OR51A7: variants seen among roughly 807,000 people sequenced by gnomAD.
OR51A7 encodes the protein olfactory receptor family 51 subfamily A member 7, also known as olfactory receptor 51A7.
For missense variants in OR51A7, 409 were observed against 374.5 expected, an observed-to-expected ratio of 1.09 and a Z score of -0.76; for synonymous variants, 143 against 135.5, an observed-to-expected ratio of 1.05 and a Z score of -0.38.
chr11:4,907,095 T>TA (rs3065178), intron 1 of OR51A7, among the ~76,000 whole-genome samples: 12,019 of 55,112 alleles, frequency 0.22, 1,738 homozygotes, highest in Middle Eastern at 0.54. Context: ...AAACTCCCTC[T>TA]AAAAAAAAAA....
In OR51A7 at chr11:4,909,204, G is replaced by C. The variant is rs891094699; in HGVS notation, c.*896G>C. 1 of 151,794 alleles carries C rather than the reference G, an allele frequency of 6.6e-6. No individual in the cohort carries two copies. Among genetic ancestry groups the C allele is most frequent in the Admixed American group, 6.6e-5 (1 of 15,224 alleles). The allele number at this position is 151,794 out of a possible 1,614,324, so 9.4% of individuals were successfully genotyped here. On this transcript the variant is annotated 3_prime_UTR_variant, in exon 2 of 2. Coordinates refer to ENST00000641490, the MANE Select transcript of OR51A7 (RefSeq NM_001004749.2). ...TGATTCCTGCAGGACACGACATTTGGTACCACAATAATTTTCACTAAAATT... is the reference window on the plus strand; with the variant it reads ...TGATTCCTGCAGGACACGACATTTGCTACCACAATAATTTTCACTAAAATT...
Position 4,908,403 on chromosome 11 carries a change from G to A in OR51A7, c.*95G>A. 1 of 1,042,026 alleles carries A rather than the reference G, an allele frequency of 9.6e-7. No homozygotes were observed. Among genetic ancestry groups the A allele is most frequent in the Non-Finnish European group, 1.5e-6 (1 of 678,524 alleles). The allele number at this position is 1,042,026 out of a possible 1,614,324, so 64.5% of individuals were successfully genotyped here. ...CCATAGAAGTCACTAATGAAGGACT[G>A]GATGATGGAAGTGAAAAGCTATGTA... On this transcript the variant is annotated 3_prime_UTR_variant, in exon 2 of 2. Transcript: ENST00000641490.
Position 4,907,619 on chromosome 11 carries a change from GTCT to G in OR51A7, c.255_257del (p.Phe85del). On this transcript the variant is annotated inframe_deletion, in exon 2 of 2. Transcript: ENST00000641490. The stretch of plus-strand genomic sequence containing the variant: ...CTCCTCCCTTCCTACCATGTTGAGG[GTCT>G]TCTTGTTCAATGCCATGGGAATTTC... The G allele has an allele frequency of 6.2e-7, 1 of 1,614,008 alleles. No homozygotes were observed. Among genetic ancestry groups the G allele is most frequent in the Non-Finnish European group, 8.5e-7 (1 of 1,179,954 alleles).
chr11:4,904,527 G>T (rs1426650252), intron 1 of OR51A7, among the ~76,000 whole-genome samples: 1 of 151,850 alleles, frequency 6.6e-6, no homozygotes, highest in Admixed American at 6.6e-5. Context: ...GCTCCTCAGG[G>T]TTCTATGAGT....
At chr11:4,905,450 A>G (rs1427864464) in intron 1 of OR51A7, among the ~76,000 whole-genome samples, 2 of 152,172 alleles carry the variant, frequency 1.3e-5, no homozygotes, top group East Asian at 3.8e-4. Context: ...AAATCACAAA[A>G]TACAGTATGA....
In OR51A7 at chr11:4,907,654, T is replaced by A; in HGVS notation, c.285T>A (p.Asn95Lys). The change falls in exon 2 of 2, where the codon AAT becomes AAA. Residue 95 changes from asparagine (N) to lysine (K), a missense_variant. Coordinates refer to ENST00000641490, the MANE Select transcript of OR51A7 (RefSeq NM_001004749.2). ...FLFNAMGISP[N>K]ACFAQEFFIH... ...TCAATGCCATGGGAATTTCACCTAA[T>A]GCCTGCTTTGCTCAAGAATTCTTCA... The A allele has an allele frequency of 1.2e-6, 2 of 1,614,138 alleles. No individual in the cohort carries two copies. The highest frequency in any genetic ancestry group is 1.7e-6 in the Non-Finnish European group (2 of 1,179,992).
At position 4,909,318 on chromosome 11, in the gene OR51A7, G is replaced by A. The variant is rs969931557; in HGVS notation, c.*1010G>A. On this transcript the variant is annotated 3_prime_UTR_variant, in exon 2 of 2. Transcript: ENST00000641490. ...ACAGTTGAAAATACAATTTGAAGGGGGGCAAACAAGATTGATATGGCAATC... is the reference window on the plus strand; with the variant it reads ...ACAGTTGAAAATACAATTTGAAGGGAGGCAAACAAGATTGATATGGCAATC... 2 of 152,034 alleles carry A rather than the reference G, an allele frequency of 1.3e-5. No individual in the cohort carries two copies. The highest frequency in any genetic ancestry group is 4.8e-5 in the African/African-American group (2 of 41,404). 9.4% of individuals were successfully genotyped at this position (152,034 alleles called of 1,614,324 possible).
chr11:4,907,500 C>G lies in OR51A7; in HGVS notation c.131C>G (p.Thr44Ser), dbSNP rs1403524220. The change falls in exon 2 of 2, where the codon ACC becomes AGC. Residue 44 changes from threonine (T) to serine (S), a missense_variant. By Grantham distance (58) the Thr-to-Ser change is moderately conservative. Transcript: ENST00000641490. ...CTGCTTGCCATCATGGGCAACTGCA[C>G]CATTCTCTTTATTATAAAGACAGAG... The part of the protein sequence containing the change: ...MYLLAIMGNC[T>S]ILFIIKTEPS... The G allele has an allele frequency of 6.2e-7, 1 of 1,613,998 alleles. No homozygotes were observed. Among genetic ancestry groups the G allele is most frequent in the East Asian group, 2.2e-5 (1 of 44,866 alleles).
Position 4,907,770 on chromosome 11 carries a change from C to A in OR51A7, c.401C>A (p.Ser134Tyr). The stretch of plus-strand genomic sequence containing the variant: ...ATTCACAATCCCTTAAGATACAGTT[C>A]TATCCTCACTAGCAACAGGGTTGCT... ...LAIHNPLRYS[S>Y]ILTSNRVAKM... Residue 134 changes from serine to tyrosine, a missense_variant, in exon 2 of 2, where the codon TCT (serine) becomes TAT (tyrosine). Transcript: ENST00000641490. The A allele has an allele frequency of 6.2e-7, 1 of 1,614,080 alleles. No homozygotes were observed. The highest frequency in any genetic ancestry group is 8.5e-7 in the Non-Finnish European group (1 of 1,180,016).
Position 4,907,511 on chromosome 11 carries a change from A to G in OR51A7, c.142A>G (p.Ile48Val), listed in dbSNP as rs750073858. Residue 48 changes from isoleucine (I) to valine (V), a missense_variant, in exon 2 of 2, where the codon ATT becomes GTT. Transcript: ENST00000641490. Reference sequence around the variant, plus strand: ...CATGGGCAACTGCACCATTCTCTTTATTATAAAGACAGAGCCCTCGCTTCA... The same window carrying G: ...CATGGGCAACTGCACCATTCTCTTTGTTATAAAGACAGAGCCCTCGCTTCA... ...AIMGNCTILF[I>V]IKTEPSLHEP... is the part of the protein sequence containing the mutation. The G allele has an allele frequency of 1.2e-6, 2 of 1,613,874 alleles. No homozygotes were observed. The highest frequency in any genetic ancestry group is 2.2e-5 in the East Asian group (1 of 44,858).
Position 4,908,620 on chromosome 11 carries a change from C to T in OR51A7, c.*312C>T. 2.5e-6 allele frequency: 1 copy of T among 397,890 alleles called. No homozygotes were observed. Among genetic ancestry groups the T allele is most frequent in the Non-Finnish European group, 4.7e-6 (1 of 214,044 alleles). 24.6% of individuals were successfully genotyped at this position (397,890 alleles called of 1,614,324 possible). ...ATTTGGGCAGATTGAGATTACCATT[C>T]AGTTAGTATCTATTAAAAATACAGA... On this transcript the variant is annotated 3_prime_UTR_variant, in exon 2 of 2. Transcript: ENST00000641490.
Position 4,908,252 on chromosome 11 carries a change from A to G in OR51A7, c.883A>G (p.Thr295Ala). 1 of 1,614,060 alleles carries G rather than the reference A, an allele frequency of 6.2e-7. No individual in the cohort carries two copies. The highest frequency in any genetic ancestry group is 8.5e-7 in the Non-Finnish European group (1 of 1,180,008). Reference protein sequence around the residue: ...LMNPIVYCVKTRQIWEKILGK... With the variant: ...LMNPIVYCVKARQIWEKILGK... ...GAACCCCATTGTGTACTGTGTAAAGACTCGACAAATCTGGGAGAAGATCTT... is the reference window on the plus strand; with the variant it reads ...GAACCCCATTGTGTACTGTGTAAAGGCTCGACAAATCTGGGAGAAGATCTT... Residue 295 changes from threonine (T) to alanine (A), a missense_variant, in exon 2 of 2, where the codon ACT (threonine) becomes GCT (alanine). By Grantham distance (58) the Thr-to-Ala change is moderately conservative. Transcript: ENST00000641490.
Position 4,908,099 on chromosome 11 carries a change from A to G in OR51A7, c.730A>G (p.Ile244Val), listed in dbSNP as rs1263338567. 1.2e-6 allele frequency: 2 copies of G among 1,614,084 alleles called. No homozygotes were observed. Among genetic ancestry groups the G allele is most frequent in the Non-Finnish European group, 1.7e-6 (2 of 1,180,036 alleles). Residue 244 changes from isoleucine (I) to valine (V), a missense_variant, in exon 2 of 2, where the codon ATC becomes GTC. Physicochemically the swap from Ile to Val is conservative, Grantham distance 29. Transcript: ENST00000641490. ...LKALNTCVSH[I>V]CAVLTFYVPI... ...GGCCCTAAATACCTGTGTCTCCCAC[A>G]TCTGTGCTGTGCTCACCTTCTATGT...
Position 4,907,391 on chromosome 11 carries a change from G to A in OR51A7, c.22G>A (p.Glu8Lys), listed in dbSNP as rs11034596. 0.099 allele frequency: 159,599 copies of A among 1,612,132 alleles called. 13,754 individuals carry two copies. Among genetic ancestry groups the A allele is most frequent in the East Asian group, 0.56 (25,204 of 44,724 alleles). The change falls in exon 2 of 2, where the codon GAA becomes AAA. Residue 8 changes from glutamate (E) to lysine (K), a missense_variant. Physicochemically the swap from Glu to Lys is moderately conservative, Grantham distance 56 (BLOSUM62 1). Coordinates refer to ENST00000641490, the MANE Select transcript of OR51A7 (RefSeq NM_001004749.2). Reference protein sequence around the residue: MSVLNNSEVKLFLLIGIP... With the variant: MSVLNNSKVKLFLLIGIP... ...CATTATGTCTGTTCTCAATAACTCC[G>A]AAGTCAAGCTTTTCCTTCTGATTGG...
chr11:4,907,943 A>T lies in OR51A7; in HGVS notation c.574A>T (p.Asn192Tyr). ...QDTMKLACSD[N>Y]KTNVIYGFFI... ...TACCATGAAGCTGGCCTGCTCTGAC[A>T]ACAAGACCAATGTCATCTATGGCTT... The change falls in exon 2 of 2, where the codon AAC becomes TAC. Residue 192 changes from asparagine to tyrosine, a missense_variant. Coordinates refer to ENST00000641490, the MANE Select transcript of OR51A7 (RefSeq NM_001004749.2). 1.2e-6 allele frequency: 2 copies of T among 1,614,158 alleles called. No homozygotes were observed. Among genetic ancestry groups the T allele is most frequent in the South Asian group, 2.2e-5 (2 of 91,084 alleles).
chr11:4,907,208 G>A (rs1222365379), intron 1 of OR51A7, 131 bp from the exon 2 acceptor site: 4 of 543,990 alleles, frequency 7.4e-6, no homozygotes, highest in Non-Finnish European at 9.8e-6. Context: ...AGGACTTCTG[G>A]TAAATTTTGA....
In OR51A7 at chr11:4,908,065, G is replaced by C. The variant is rs1282604850; in HGVS notation, c.696G>C (p.Glu232Asp). The change falls in exon 2 of 2, where the codon GAG becomes GAC. Residue 232 changes from glutamate to aspartate, a missense_variant. Physicochemically the swap from Glu to Asp is conservative, Grantham distance 45. Transcript: ENST00000641490. ...TACTCAGCATTGCATCTTTGGCAGAGAGGCTTAAGGCCCTAAATACCTGTG... is the reference window on the plus strand; with the variant it reads ...TACTCAGCATTGCATCTTTGGCAGACAGGCTTAAGGCCCTAAATACCTGTG... Reference protein sequence around the residue: ...KTILSIASLAERLKALNTCVS... With the variant: ...KTILSIASLADRLKALNTCVS... 1 of 1,614,174 alleles carries C rather than the reference G, an allele frequency of 6.2e-7. No individual in the cohort carries two copies.
At chr11:4,906,823 G>T (rs993934796) in intron 1 of OR51A7, among the ~76,000 whole-genome samples, 2 of 152,064 alleles carry the variant, frequency 1.3e-5, no homozygotes, top group African/African-American at 2.4e-5. Context: ...AGATGCAGTG[G>T]CTCACACCTG....
At position 4,908,069 on chromosome 11, in the gene OR51A7, C is replaced by T. The variant is rs141360302; in HGVS notation, c.700C>T (p.Leu234Phe). ...CAGCATTGCATCTTTGGCAGAGAGG[C>T]TTAAGGCCCTAAATACCTGTGTCTC... ...ILSIASLAER[L>F]KALNTCVSHI... Residue 234 changes from leucine to phenylalanine, a missense_variant, in exon 2 of 2, where the codon CTT (leucine) becomes TTT (phenylalanine). Coordinates refer to ENST00000641490, the MANE Select transcript of OR51A7 (RefSeq NM_001004749.2). 6.2e-7 allele frequency: 1 copy of T among 1,614,000 alleles called. No individual in the cohort carries two copies. The highest frequency in any genetic ancestry group is 8.5e-7 in the Non-Finnish European group (1 of 1,179,996).
Sources: allele counts gnomAD v4.1 joint callset (sites outside exome capture counted in the v4.1 genomes callset), GRCh38; gene constraint gnomAD v4.1.1; transcripts MANE v1.5; gene names NCBI Gene and HGNC (gene_info 2026-07-23, HGNC 2026-07-21).